Variants in ARHGAP39 observed in about 807,000 individuals in gnomAD.
The protein encoded by ARHGAP39 is rho GTPase-activating protein 39.
Under a neutral mutation model 106.9 loss-of-function variants are expected in ARHGAP39, and 44 were observed. That is an observed-to-expected ratio of 0.41 (90% CI 0.32 to 0.53). The LOEUF (loss-of-function observed/expected upper bound fraction) is 0.53. Among genes scored for constraint, ARHGAP39 ranks in the 20% least tolerant of loss-of-function variants. The pLI is 0.21. For synonymous variants in ARHGAP39, 768 were observed against 693.2 expected, an observed-to-expected ratio of 1.11 and a Z score of -1.69; for missense variants, 1,496 against 1,577.3, an observed-to-expected ratio of 0.95 and a Z score of 0.87.
At chr8:144,602,395 G>A (rs574400481) in intron 2 of ARHGAP39, among the ~76,000 whole-genome samples, 1 of 146,536 alleles carries the variant, frequency 6.8e-6, no homozygotes, top group African/African-American at 2.5e-5. Flanking sequence ...CTGTGTGTGT[G>A]CGTGGAGGCG....
chr8:144,639,926 G>C (rs1394534946), intron 1 of ARHGAP39, among the ~76,000 whole-genome samples: 1 of 152,158 alleles, frequency 6.6e-6, no homozygotes, highest in Non-Finnish European at 1.5e-5. Context: ...TAGGAAACTG[G>C]TTGCACTGAC....
chr8:144,678,566 T>G (rs931732824), intron 1 of ARHGAP39, among the ~76,000 whole-genome samples: 1 of 151,964 alleles, frequency 6.6e-6, no homozygotes, highest in South Asian at 2.1e-4. Flanking sequence ...GCAGAGTAGG[T>G]TGGGGTCACG....
rs1011721762 is a variant in ARHGAP39 at position 144,546,982 on chromosome 8, AG to A, written c.1959+144del. On this transcript the variant is annotated intron_variant, in intron 5 of 11. Coordinates refer to ENST00000377307, the MANE Select transcript of ARHGAP39 (RefSeq NM_025251.3). ...GCCCTGACAGCCCGCTGGAGTGCCC[AG>A]GGCCCCGGAGACACGGGGCTTCAGA... 5 of 1,058,876 alleles carry A rather than the reference AG, an allele frequency of 4.7e-6. No individual in the cohort carries two copies. The African/African-American group carries it at 8.3e-5, about 18-fold the overall frequency. The allele number at this position is 1,058,876 out of a possible 1,614,324, so 65.6% of individuals were successfully genotyped here. A position where few individuals can be genotyped will look rare whatever the true frequency, so the allele number is the denominator to read the frequency against.
At chr8:144,626,793 C>G (rs1820929378) in intron 1 of ARHGAP39, among the ~76,000 whole-genome samples, 1 of 152,234 alleles carries the variant, frequency 6.6e-6, no homozygotes, top group East Asian at 1.9e-4. Context: ...CCTCCCCTCC[C>G]CTCCTCGGCT....
chr8:144,591,402 T>TGG lies in ARHGAP39; in HGVS notation c.81-10127_81-10126dup, dbSNP rs1045468621. ...TCTGCAGGAAACTTGTCTTGAGGCC[T>TGG]GGGGGGACCAAAGGTAGCAGGGCCA... On this transcript the variant is annotated intron_variant, in intron 2 of 11. Coordinates refer to ENST00000377307, the MANE Select transcript of ARHGAP39 (RefSeq NM_025251.3). This position sits in a 1 kb window ranked among gnomAD's most constrained non-coding sequence, Gnocchi z 5.3. Among the ~76,000 whole-genome samples the TGG allele has an allele frequency of 6.6e-6, 1 of 152,158 alleles. No homozygotes were observed. Among genetic ancestry groups the TGG allele is most frequent in the Non-Finnish European group, 1.5e-5 (1 of 68,022 alleles).
chr8:144,534,007 C>T, intron 8 of ARHGAP39, 122 bp downstream of exon 8: 1 of 1,122,718 alleles, frequency 8.9e-7, no homozygotes. Context: ...CCTAGGCGGG[C>T]TCCATGTGGC....
intron 4 of ARHGAP39, among the ~76,000 whole-genome samples, chr8:144,553,597 C>T (rs1170589917): frequency 1.3e-5 from 2 of 152,258 alleles, no homozygotes; most frequent in Admixed American, 6.5e-5. Flanking sequence ...ATACTCCCGT[C>T]GACCCAGCCT....
rs1432260716 is a variant in ARHGAP39, at chr8:144,644,114, G to A, written c.-81-38419C>T. On this transcript the variant is annotated intron_variant, in intron 1 of 11. Transcript: ENST00000377307. This position sits in a 1 kb window ranked among gnomAD's most constrained non-coding sequence, Gnocchi z 4.8. The stretch of plus-strand genomic sequence containing the variant: ...CAAATGCACAGTGAGACCCGGACAC[G>A]CACATTCCCGGCAGCACCATTCACA... Among the ~76,000 whole-genome samples the A allele has an allele frequency of 6.6e-6, 1 of 152,068 alleles. No homozygotes were observed. The highest frequency in any genetic ancestry group is 1.5e-5 in the Non-Finnish European group (1 of 68,038).
At chr8:144,538,989 C>G (rs1817078394) in intron 6 of ARHGAP39, among the ~76,000 whole-genome samples, 1 of 152,082 alleles carries the variant, frequency 6.6e-6, no homozygotes, top group Non-Finnish European at 1.5e-5. Context: ...GTCCCTGTGA[C>G]AGGCGTCACC....
In ARHGAP39 at chr8:144,529,983, G is replaced by C. The variant is rs1474940712; in HGVS notation, c.*439C>G. 6.1e-6 allele frequency: 1 copy of C among 165,152 alleles called. No individual in the cohort carries two copies. The highest frequency in any genetic ancestry group is 1.3e-5 in the Non-Finnish European group (1 of 76,654). 10.2% of individuals were successfully genotyped at this position (165,152 alleles called of 1,614,324 possible). ...CGGGGACAGGTCGGGAAGCTCTCTC[G>C]GGGCTGGGAAGAGCTGCAGGCCAGG... On this transcript the variant is annotated 3_prime_UTR_variant, in exon 12 of 12. Transcript: ENST00000377307.
At chr8:144,599,907 A>C (rs1348287127) in intron 2 of ARHGAP39, among the ~76,000 whole-genome samples, 1 of 152,178 alleles carries the variant, frequency 6.6e-6, no homozygotes, top group Non-Finnish European at 1.5e-5. Context: ...CAAGTGAGTA[A>C]ACACACTGGT....
upstream of ARHGAP39, among the ~76,000 whole-genome samples, chr8:144,688,105 C>G (rs1210366543): frequency 7.1e-6 from 1 of 140,254 alleles, no homozygotes; most frequent in Non-Finnish European, 1.6e-5. Flanking sequence ...ACATTTAACT[C>G]TTTTTTTTTT....
intron 1 of ARHGAP39, among the ~76,000 whole-genome samples, chr8:144,616,429 G>T (rs1453666631): frequency 2.6e-5 from 4 of 152,374 alleles, no homozygotes; most frequent in African/African-American, 9.6e-5. Context: ...GTAAATGCAG[G>T]AAACAGAGGC....
rs114986050 is a variant in ARHGAP39 at position 144,622,963 on chromosome 8, A to C, written c.-81-17268T>G. The stretch of plus-strand genomic sequence containing the variant: ...GTTTAGGTGAACAAGGAAGAAAGCC[A>C]CCATCCAGCCCTAGGGGAAGCTCTT... On this transcript the variant is annotated intron_variant, in intron 1 of 11. Transcript: ENST00000377307. Among the ~76,000 whole-genome samples the C allele has an allele frequency of 4.8e-3, 729 of 152,314 alleles. 7 individuals are homozygous for C. Among genetic ancestry groups the C allele is most frequent in the African/African-American group, 0.016 (682 of 41,576 alleles).
chr8:144,597,382 A>G (rs1480461786), intron 2 of ARHGAP39, among the ~76,000 whole-genome samples: 1 of 152,168 alleles, frequency 6.6e-6, no homozygotes, highest in Non-Finnish European at 1.5e-5. Context: ...CATCTAGAAG[A>G]GCACGTGGAG....
Position 144,534,331 on chromosome 8 carries a change from C to G in ARHGAP39, c.2615-129G>C, listed in dbSNP as rs1005759676. On this transcript the variant is annotated intron_variant, in intron 7 of 11. Coordinates refer to ENST00000377307, the MANE Select transcript of ARHGAP39 (RefSeq NM_025251.3). ...CTGGCCTTGCCCCGGTCACCCCCTG[C>G]CCAGCACAGCGGGTCCTCACACTCT... 4 of 940,100 alleles carry G rather than the reference C, an allele frequency of 4.3e-6. No individual in the cohort carries two copies. The African/African-American group carries it at 6.6e-5, about 15-fold the overall frequency. 58.2% of individuals were successfully genotyped at this position (940,100 alleles called of 1,614,324 possible).
chr8:144,605,398 C>G (rs559402594), intron 2 of ARHGAP39, 137 bp downstream of exon 2: 25 of 913,038 alleles, frequency 2.7e-5, no homozygotes, highest in Admixed American at 1.3e-4. Context: ...CATCGGCCAT[C>G]CAGGCCTTGG....
intron 3 of ARHGAP39, among the ~76,000 whole-genome samples, chr8:144,580,579 C>A (rs924656618): frequency 2.6e-5 from 4 of 151,942 alleles, no homozygotes; most frequent in Admixed American, 1.3e-4. Flanking sequence ...CCGCCCACCG[C>A]CCTCACCTGG....
chr8:144,539,421 T>C (rs1343806146), intron 6 of ARHGAP39, among the ~76,000 whole-genome samples: 1 of 152,218 alleles, frequency 6.6e-6, no homozygotes, highest in African/African-American at 2.4e-5. Context: ...GAAGTCCAAT[T>C]TATCCATGTT....
Sources: gnomAD v4.1 joint callset for allele counts (sites outside exome capture counted in the v4.1 genomes callset) on GRCh38, gnomAD v4.1.1 for gene constraint, Gnocchi (gnomAD v3.1) non-coding constraint, MANE v1.5 for transcripts, NCBI Gene and HGNC (gene_info 2026-07-23, HGNC 2026-07-21) for gene names.